The following HPSE2 variants were observed in gnomAD, a reference collection of about 807,000 sequenced individuals.
The protein encoded by HPSE2 is heparanase 2 (inactive).
In HPSE2, 38 loss-of-function variants were observed where a neutral mutation model predicts 60.5. That is an observed-to-expected ratio of 0.63 (90% CI 0.48 to 0.82). HPSE2 has a LOEUF of 0.82. Ranked by LOEUF, HPSE2 falls within the 40% of genes least tolerant of loss-of-function variation. The pLI is 0.00. For missense variants in HPSE2, 713 were observed against 740.4 expected (o/e 0.96, Z 0.43); for synonymous variants, 295 against 293.2 (o/e 1.01, Z -0.06).
At chr10:98,972,151 A>T (rs1319140495) in intron 3 of HPSE2, among the ~76,000 whole-genome samples, 1 of 152,114 alleles carries the variant, frequency 6.6e-6, no homozygotes, top group East Asian at 1.9e-4. Context: ...TAAAATTATT[A>T]ATCATTTTGA....
intron 9 of HPSE2, among the ~76,000 whole-genome samples, chr10:98,600,892 CGT>C (rs1245497506): frequency 4.4e-4 from 8 of 18,150 alleles, no homozygotes; most frequent in Non-Finnish European, 6.2e-4. Flanking sequence ...TACATATATA[CGT>C]ATATATATGT....
At chr10:98,868,078 A>AAAAT (rs34543812) in intron 3 of HPSE2, among the ~76,000 whole-genome samples, 176 of 140,268 alleles carry the variant, frequency 1.3e-3, no homozygotes, top group East Asian at 4.0e-3. Context: ...AGAAAGAAAG[A>AAAAT]AAATAAATAA....
intron 9 of HPSE2, among the ~76,000 whole-genome samples, chr10:98,539,980 G>T (rs1157959460): frequency 1.3e-5 from 2 of 152,224 alleles, no homozygotes; most frequent in Admixed American, 1.3e-4. Context: ...AGGGAACCGG[G>T]ATTTCAGGCC....
chr10:98,877,854 T>G (rs1359302287), intron 3 of HPSE2, among the ~76,000 whole-genome samples: 1 of 151,914 alleles, frequency 6.6e-6, no homozygotes, highest in African/African-American at 2.4e-5. Context: ...GTGTCTATTA[T>G]GTTCTTCACA....
At chr10:98,922,885 T>C (rs2135070117) in intron 3 of HPSE2, among the ~76,000 whole-genome samples, 1 of 152,334 alleles carries the variant, frequency 6.6e-6, no homozygotes, top group Middle Eastern at 3.4e-3. Flanking sequence ...TTATCTTTGA[T>C]TGGTTCATCG....
chr10:98,522,970 C>G (rs1255472722), intron 9 of HPSE2, among the ~76,000 whole-genome samples: 1 of 152,156 alleles, frequency 6.6e-6, no homozygotes, highest in African/African-American at 2.4e-5. Context: ...CAAAATGAAC[C>G]AAAGTGGCCA....
chr10:98,842,207 T>C (rs1450273647), intron 3 of HPSE2, among the ~76,000 whole-genome samples: 1 of 152,210 alleles, frequency 6.6e-6, no homozygotes, highest in East Asian at 1.9e-4. Context: ...GTATCTGTTA[T>C]GAGCCAGATA....
intron 3 of HPSE2, among the ~76,000 whole-genome samples, chr10:99,101,547 T>G (rs1843988752): frequency 6.6e-6 from 1 of 152,112 alleles, no homozygotes; most frequent in Admixed American, 6.5e-5. Context: ...ATGGGAAACT[T>G]TAACACCCCA....
chr10:98,620,500 C>G, intron 8 of HPSE2, 102 bp downstream of exon 8: 1 of 820,278 alleles, frequency 1.2e-6, no homozygotes, highest in Non-Finnish European at 2.1e-6. Flanking sequence ...CAACGGGAAA[C>G]ATGCCTCACC....
rs1947787751 is a variant in HPSE2 at position 98,681,536 on chromosome 10, T to G, written c.1004+12364A>C. ...TGAAAAGTTCATGCACATGGTTTAA[T>G]AGTCCACATTGTAACTAACTTTTAA... On this transcript the variant is annotated intron_variant, in intron 6 of 11. Transcript: ENST00000370552. 2.6e-5 allele frequency among the ~76,000 whole-genome samples: 4 copies of G among 152,356 alleles called. No homozygotes were observed. The South Asian group carries it at 8.3e-4, about 32-fold the overall frequency.
At chr10:98,694,957 C>G (rs1948173478) in intron 5 of HPSE2, among the ~76,000 whole-genome samples, 2 of 152,178 alleles carry the variant, frequency 1.3e-5, no homozygotes, top group Non-Finnish European at 2.9e-5. Flanking sequence ...AGAATTCTTC[C>G]TCCAGGGAGA....
At chr10:99,104,187 G>A (rs559015510) in intron 3 of HPSE2, among the ~76,000 whole-genome samples, 10 of 152,292 alleles carry the variant, frequency 6.6e-5, no homozygotes, top group Middle Eastern at 3.4e-3. Flanking sequence ...TACCATCAGA[G>A]TGAACAGGCA....
At chr10:99,182,107 A>T (rs1159415199) in intron 2 of HPSE2, among the ~76,000 whole-genome samples, 1 of 152,216 alleles carries the variant, frequency 6.6e-6, no homozygotes, top group Non-Finnish European at 1.5e-5. Flanking sequence ...TTGATGTTTA[A>T]GCCACCAAGT....
At chr10:98,540,778 T>C (rs1299745718) in intron 9 of HPSE2, among the ~76,000 whole-genome samples, 3 of 152,104 alleles carry the variant, frequency 2.0e-5, no homozygotes, top group African/African-American at 4.8e-5. Context: ...TTAAGACTTA[T>C]AAACCAGTCA....
intron 3 of HPSE2, among the ~76,000 whole-genome samples, chr10:98,956,495 T>C (rs960946936): frequency 2.0e-5 from 3 of 152,170 alleles, no homozygotes; most frequent in South Asian, 2.1e-4. Flanking sequence ...GGGGCTATTG[T>C]AGAGCCTCAC....
intron 2 of HPSE2, among the ~76,000 whole-genome samples, chr10:99,231,602 A>T (rs911513094): frequency 2.0e-5 from 3 of 152,204 alleles, no homozygotes; most frequent in Non-Finnish European, 4.4e-5. Context: ...TTGGCCTCTC[A>T]GATTGAAATA....
At chr10:99,026,141 T>C (rs1957372272) in intron 3 of HPSE2, among the ~76,000 whole-genome samples, 1 of 152,006 alleles carries the variant, frequency 6.6e-6, no homozygotes. Context: ...TAATATTTAA[T>C]GTAAATGAAC....
chr10:98,732,472 C>A (rs1589728133), intron 4 of HPSE2, among the ~76,000 whole-genome samples: 1 of 151,988 alleles, frequency 6.6e-6, no homozygotes, highest in African/African-American at 2.4e-5. Context: ...AGTATAGAAA[C>A]AAAACTATGT....
chr10:98,772,056 A>G (rs1950252158), intron 3 of HPSE2, among the ~76,000 whole-genome samples: 1 of 152,226 alleles, frequency 6.6e-6, no homozygotes, highest in Non-Finnish European at 1.5e-5. Flanking sequence ...TCTGCAGGCC[A>G]GTTTTGGACT....
Sources: gnomAD v4.1 joint callset for allele counts (sites outside exome capture counted in the v4.1 genomes callset) on GRCh38, gnomAD v4.1.1 for gene constraint, MANE v1.5 for transcripts, NCBI Gene and HGNC (gene_info 2026-07-23, HGNC 2026-07-21) for gene names.